Variants in PSG3 observed in about 807,000 individuals in gnomAD.
The protein encoded by PSG3 is pregnancy specific beta-1-glycoprotein 3, also known as pregnancy-specific beta-1-glycoprotein 3.
Under a neutral mutation model 47.5 loss-of-function variants are expected in PSG3, and 61 were observed. That is an observed-to-expected ratio of 1.28 (90% confidence interval 1.05 to 1.59). The LOEUF (loss-of-function observed/expected upper bound fraction) is 1.59. Ranked by LOEUF, PSG3 falls within the 40% of genes most tolerant of loss-of-function variation. The pLI is 0.00. For synonymous variants in PSG3, 263 were observed against 198.4 expected, an observed-to-expected ratio of 1.33 and a Z score of -2.74; for missense variants, 756 against 524.0, an observed-to-expected ratio of 1.44 and a Z score of -4.32.
chr19:42,732,402 T>A (rs952711830), intron 3 of PSG3: 9 of 359,946 alleles, frequency 2.5e-5, no homozygotes, highest in African/African-American at 1.6e-4. Context: ...AAGAGAATAA[T>A]GTCATAGGTG....
intron 5 of PSG3, among the ~76,000 whole-genome samples, chr19:42,726,049 G>T (rs933616396): frequency 7.8e-4 from 119 of 152,080 alleles, no homozygotes; most frequent in African/African-American, 2.8e-3. Flanking sequence ...AATATGAATG[G>T]AACTATAATC....
At chr19:42,739,571 G>A (rs561707181) in intron 1 of PSG3, 92 of 167,380 alleles carry the variant, frequency 5.5e-4, no homozygotes, top group East Asian at 1.7e-4. Context: ...AGCTCCGTGA[G>A]GACAGGGACT....
intron 3 of PSG3, chr19:42,732,266 T>G (rs200117417): frequency 5.8e-6 from 1 of 172,828 alleles, no homozygotes; most frequent in Non-Finnish European, 1.3e-5. Flanking sequence ...GAACTTCCCA[T>G]CAATCAGCCA....
At chr19:42,724,098 A>G in intron 5 of PSG3, 73 bp from the exon 6 acceptor site, 3 of 1,515,620 alleles carry the variant, frequency 2.0e-6, no homozygotes, top group Non-Finnish European at 1.8e-6. Context: ...AGGAACAAGC[A>G]TGTAACATGA....
chr19:42,723,854 C>A (rs1304974036), intron 6 of PSG3, 88 bp downstream of exon 6: 8 of 1,049,866 alleles, frequency 7.6e-6, no homozygotes, highest in Non-Finnish European at 1.2e-5. Context: ...GAGATCCAGT[C>A]CCAGATACAG....
rs552377219 is a variant in PSG3 at position 42,727,357 on chromosome 19, ATG to A, written c.1243+1764_1243+1765del. 8.6e-3 allele frequency among the ~76,000 whole-genome samples: 1,305 copies of A among 152,196 alleles called. 19 individuals are homozygous for A. The highest frequency in any genetic ancestry group is 0.03 in the African/African-American group (1,223 of 41,438). ...AATGATAAAAATATTTGCAAATTAT[ATG>A]TGTGATAAGAAATTAATTTCCAGAA... On this transcript the variant is annotated intron_variant, in intron 5 of 6. Transcript: ENST00000327495.
chr19:42,722,734 G>A (rs1969318768), intron 6 of PSG3, among the ~76,000 whole-genome samples: 1 of 151,738 alleles, frequency 6.6e-6, no homozygotes, highest in Admixed American at 6.6e-5. Context: ...TCATAAATAG[G>A]GCCAAAAAAG....
intron 3 of PSG3, among the ~76,000 whole-genome samples, chr19:42,731,600 G>A (rs1448236182): frequency 6.6e-6 from 1 of 151,860 alleles, no homozygotes; most frequent in Non-Finnish European, 1.5e-5. Context: ...ATCTGTTGTG[G>A]CAGTCATTAA....
rs567901673 is a variant in PSG3, at chr19:42,740,222, C to T, written c.64+99G>A. ...CCTCCTCAGCCTCCCTAAGTGCTGGCTTCTTTTATTTTTTAGAACCCCAGG... is the reference window on the plus strand; with the variant it reads ...CCTCCTCAGCCTCCCTAAGTGCTGGTTTCTTTTATTTTTTAGAACCCCAGG... On this transcript the variant is annotated intron_variant, in intron 1 of 6. Coordinates refer to ENST00000327495, the MANE Select transcript of PSG3 (RefSeq NM_021016.4). 16 of 1,607,862 alleles carry T rather than the reference C, an allele frequency of 1.0e-5. No homozygotes were observed. The African/African-American group carries it at 2.0e-4, about 20-fold the overall frequency.
At position 42,732,659 on chromosome 19, in the gene PSG3, G is replaced by A. The variant is rs371164972; in HGVS notation, c.709+125C>T. 6.5e-3 allele frequency: 10,444 copies of A among 1,606,974 alleles called. 48 individuals carry two copies. Among genetic ancestry groups the A allele is most frequent in the Non-Finnish European group, 7.8e-3 (9,127 of 1,174,618 alleles). On this transcript the variant is annotated intron_variant, in intron 3 of 6. Transcript: ENST00000327495. ...GGTTTGCCTGGGGCAGAAAGTCATG[G>A]CCAGGTTTGATGTCCAGGGGTAAAG...
At chr19:42,732,685 G>T (rs968472051) in intron 3 of PSG3, 99 bp downstream of exon 3, 1 of 1,613,414 alleles carries the variant, frequency 6.2e-7, no homozygotes, top group Non-Finnish European at 8.5e-7. Context: ...AGGGGTAAAG[G>T]TCTCTGTACT....
At chr19:42,729,409 G>A (rs780274494) in intron 4 of PSG3, 32 bp from the exon 5 acceptor site, 78 of 1,590,180 alleles carry the variant, frequency 4.9e-5, no homozygotes, top group Non-Finnish European at 6.6e-5. Context: ...CACAGGTGAT[G>A]TCATCCGAGG....
intron 1 of PSG3, 183 bp from the exon 2 acceptor site, chr19:42,739,272 A>G: frequency 9.0e-7 from 1 of 1,110,336 alleles, no homozygotes; most frequent in Non-Finnish European, 1.3e-6. Flanking sequence ...CTACTCTCCT[A>G]CTAGGTGAAG....
intron 5 of PSG3, among the ~76,000 whole-genome samples, chr19:42,724,249 G>A (rs776501802): frequency 6.6e-5 from 10 of 151,988 alleles, no homozygotes; most frequent in Non-Finnish European, 1.5e-4. Flanking sequence ...TCTCTACTGT[G>A]CTCAGATATT....
At chr19:42,735,655 C>G (rs1213139857) in intron 2 of PSG3, among the ~76,000 whole-genome samples, 1 of 152,198 alleles carries the variant, frequency 6.6e-6, no homozygotes, top group Admixed American at 6.5e-5. Context: ...GCCACTGTGC[C>G]CAGCCATCTC....
Position 42,739,003 on chromosome 19 carries a change from C to T in PSG3, c.151G>A (p.Val51Ile), listed in dbSNP as rs534897318. ...GGCAAATTGTGGACAAGTAGAAGAA[C>T]GTCCTTCCCCTTGGAAACTTTGGTT... is the stretch of plus-strand genomic sequence containing the variant. ...EPTKVSKGKD[V>I]LLLVHNLPQN... The change falls in exon 2 of 7, where the codon GTT (valine) becomes ATT (isoleucine). Residue 51 changes from valine (V) to isoleucine (I), a missense_variant. Coordinates refer to ENST00000327495, the MANE Select transcript of PSG3 (RefSeq NM_021016.4). 1.3e-5 allele frequency: 21 copies of T among 1,613,976 alleles called. No individual in the cohort carries two copies. The highest frequency in any genetic ancestry group is 8.9e-5 in the East Asian group (4 of 44,862).
intron 2 of PSG3, 130 bp from the exon 3 acceptor site, chr19:42,733,192 T>C (rs1409308935): frequency 1.3e-6 from 2 of 1,498,458 alleles, no homozygotes; most frequent in African/African-American, 2.8e-5. Flanking sequence ...GGCAGGTGTG[T>C]GTGTTACAAG....
intron 2 of PSG3, among the ~76,000 whole-genome samples, chr19:42,736,612 T>TTGTGTGTGTGTGTGTGTGTG (rs61479007): frequency 1.2e-4 from 17 of 138,744 alleles, no homozygotes; most frequent in African/African-American, 4.8e-4. Flanking sequence ...TTCAATACAT[T>TTGTGTGTGTGTGTGTGTGTG]TGTGTGTGTG....
At chr19:42,727,556 G>T (rs1017436059) in intron 5 of PSG3, among the ~76,000 whole-genome samples, 3 of 152,088 alleles carry the variant, frequency 2.0e-5, no homozygotes, top group African/African-American at 7.2e-5. Context: ...AAACCACATT[G>T]TTACACCACC....
Sources: gnomAD v4.1 joint callset for allele counts (sites outside exome capture counted in the v4.1 genomes callset) on GRCh38, gnomAD v4.1.1 for gene constraint, MANE v1.5 for transcripts, NCBI Gene and HGNC (gene_info 2026-07-23, HGNC 2026-07-21) for gene names.